Variants in DOCK3 observed in about 807,000 individuals in gnomAD.
DOCK3 encodes dedicator of cytokinesis protein 3.
In DOCK3, 60 loss-of-function variants were observed where a neutral mutation model predicts 265.6. That is an observed-to-expected ratio of 0.23 (90% CI 0.18 to 0.28). The LOEUF is 0.28. Ranked by LOEUF, DOCK3 falls within the 10% of genes least tolerant of loss-of-function variation. DOCK3 has a pLI of 1.00. For synonymous variants in DOCK3, 881 were observed against 938.0 expected (o/e 0.94, Z 1.11); for missense variants, 1,981 against 2,594.3 (o/e 0.76, Z 5.14).
At chr3:50,730,134 C>T (rs906949181) in intron 1 of DOCK3, among the ~76,000 whole-genome samples, 1 of 152,004 alleles carries the variant, frequency 6.6e-6, no homozygotes, top group Admixed American at 6.6e-5. Flanking sequence ...TGCACTAACG[C>T]TTTTAAAAAT....
At chr3:50,996,175 T>C (rs558161426) in intron 5 of DOCK3, among the ~76,000 whole-genome samples, 1 of 151,988 alleles carries the variant, frequency 6.6e-6, no homozygotes, top group South Asian at 2.1e-4. Context: ...CATCTGGCCG[T>C]ATTGTTGATC....
intron 9 of DOCK3, among the ~76,000 whole-genome samples, chr3:51,132,685 T>C (rs1288545288): frequency 6.6e-6 from 1 of 152,218 alleles, no homozygotes; most frequent in African/African-American, 2.4e-5. Flanking sequence ...CAAGTTCTTA[T>C]CATGCAAGTG....
At chr3:50,715,723 G>C (rs2107963568) in intron 1 of DOCK3, among the ~76,000 whole-genome samples, 1 of 152,260 alleles carries the variant, frequency 6.6e-6, no homozygotes, top group South Asian at 2.1e-4. Context: ...ACCAGGTAGA[G>C]TGTGAATTTG....
At chr3:50,910,480 A>G (rs1396601877) in intron 4 of DOCK3, among the ~76,000 whole-genome samples, 1 of 152,110 alleles carries the variant, frequency 6.6e-6, no homozygotes, top group Admixed American at 6.5e-5. Flanking sequence ...GGACTTGTCC[A>G]ATGACTGCAG....
At chr3:51,297,046 A>G (rs1403520319) in intron 27 of DOCK3, among the ~76,000 whole-genome samples, 1 of 136,792 alleles carries the variant, frequency 7.3e-6, no homozygotes, top group Non-Finnish European at 1.5e-5. Flanking sequence ...TGAATCCAGG[A>G]GGCAGAGGTT....
At position 50,879,912 on chromosome 3, in the gene DOCK3, A is replaced by G. The variant is rs2047936440; in HGVS notation, c.163-10114A>G. ...CACTCCTCAGCAAATGTAAAAGAAT[A>G]GAAATTATAACAAACTGTCTCTCAG... On this transcript the variant is annotated intron_variant, in intron 3 of 52. Transcript: ENST00000266037. 5.9e-5 allele frequency among the ~76,000 whole-genome samples: 9 copies of G among 152,200 alleles called. No individual in the cohort carries two copies. In the South Asian group the frequency reaches 1.9e-3, roughly 31 times the overall value.
At chr3:50,730,388 C>G (rs929660667) in intron 1 of DOCK3, among the ~76,000 whole-genome samples, 2 of 152,240 alleles carry the variant, frequency 1.3e-5, no homozygotes, top group East Asian at 3.9e-4. Context: ...AGTGATACAC[C>G]CATCTTGGCT....
At chr3:50,862,618 C>A (rs767868369) in intron 3 of DOCK3, among the ~76,000 whole-genome samples, 1 of 152,190 alleles carries the variant, frequency 6.6e-6, no homozygotes, top group Non-Finnish European at 1.5e-5. Context: ...TCATGACCTT[C>A]ACTTCATAAA....
chr3:50,755,755 C>A (rs562935623), intron 1 of DOCK3, among the ~76,000 whole-genome samples: 1 of 152,124 alleles, frequency 6.6e-6, no homozygotes, highest in South Asian at 2.1e-4. Flanking sequence ...TAAATGGAAT[C>A]ATATAATATA....
intron 13 of DOCK3, among the ~76,000 whole-genome samples, chr3:51,210,152 A>G (rs560794556): frequency 6.6e-6 from 1 of 152,224 alleles, no homozygotes; most frequent in Non-Finnish European, 1.5e-5. Flanking sequence ...AGAATATTTT[A>G]AAAGAGAGAT....
intron 10 of DOCK3, among the ~76,000 whole-genome samples, chr3:51,147,425 T>C (rs558011264): frequency 9.2e-5 from 14 of 152,326 alleles, no homozygotes; most frequent in Middle Eastern, 3.4e-3. Flanking sequence ...ATGTGCCATG[T>C]TGGTTTGCTG....
chr3:51,138,828 A>G (rs982091638), intron 9 of DOCK3, among the ~76,000 whole-genome samples: 1 of 152,168 alleles, frequency 6.6e-6, no homozygotes, highest in Non-Finnish European at 1.5e-5. Flanking sequence ...CCTGAAACCT[A>G]CTTTTATACT....
At position 51,214,264 on chromosome 3, in the gene DOCK3, G is replaced by T; in HGVS notation, c.1252+17G>T. 1.2e-6 allele frequency: 2 copies of T among 1,612,746 alleles called. No homozygotes were observed. The highest frequency in any genetic ancestry group is 1.7e-6 in the Non-Finnish European group (2 of 1,179,296). ...TTATGCCAGGTATGCAGAACTGCTT[G>T]GGGCTGGGAAGGAAGATGGGTTAGG... On this transcript the variant is annotated intron_variant, in intron 14 of 52. Transcript: ENST00000266037.
At chr3:50,976,635 G>C (rs1341728127) in intron 5 of DOCK3, among the ~76,000 whole-genome samples, 2 of 151,852 alleles carry the variant, frequency 1.3e-5, no homozygotes, top group Non-Finnish European at 2.9e-5. Flanking sequence ...TTGGGGTGGA[G>C]AGTTCTCTAG....
chr3:51,141,093 G>A (rs2085039480), intron 9 of DOCK3, among the ~76,000 whole-genome samples: 1 of 151,824 alleles, frequency 6.6e-6, no homozygotes, highest in Non-Finnish European at 1.5e-5. Flanking sequence ...CTGTAATGAA[G>A]TCCCTTTTTT....
At chr3:50,977,470 C>T (rs370413697) in intron 5 of DOCK3, among the ~76,000 whole-genome samples, 1 of 152,080 alleles carries the variant, frequency 6.6e-6, no homozygotes, top group Non-Finnish European at 1.5e-5. Flanking sequence ...TGAATATTGG[C>T]CCCCACTGTC....
At chr3:51,242,086 G>T (rs968680598) in intron 21 of DOCK3, among the ~76,000 whole-genome samples, 44 of 148,580 alleles carry the variant, frequency 3.0e-4, no homozygotes, top group South Asian at 1.9e-3. Context: ...CCTTTGGATG[G>T]TTTTTTTTTT....
At chr3:50,815,173 C>A (rs2044005237) in intron 2 of DOCK3, among the ~76,000 whole-genome samples, 1 of 152,164 alleles carries the variant, frequency 6.6e-6, no homozygotes, top group Admixed American at 6.5e-5. Flanking sequence ...GACTTCTACT[C>A]TATTATTATT....
At chr3:51,200,598 G>C (rs2088674041) in intron 12 of DOCK3, among the ~76,000 whole-genome samples, 1 of 151,894 alleles carries the variant, frequency 6.6e-6, no homozygotes, top group Admixed American at 6.6e-5. Context: ...AAAACACTCT[G>C]CAGAATATTA....
Sources: gnomAD v4.1 joint callset for allele counts (sites outside exome capture counted in the v4.1 genomes callset) on GRCh38, gnomAD v4.1.1 for gene constraint, MANE v1.5 for transcripts, NCBI Gene and HGNC (gene_info 2026-07-23, HGNC 2026-07-21) for gene names.